The following GUCY1A1 variants were observed in gnomAD, a reference collection of about 807,000 sequenced individuals.
GUCY1A1 encodes guanylate cyclase soluble subunit alpha-1.
GUCY1A1 carries 48 observed loss-of-function variants against 64.5 expected under a neutral mutation model. The observed-to-expected ratio is 0.74, with a 90% CI of 0.59 to 0.95. The LOEUF is 0.95. Among genes scored for constraint, GUCY1A1 ranks in the 40% least tolerant of loss-of-function variants. The pLI, the probability that GUCY1A1 is intolerant of heterozygous loss-of-function variation, is 0.00. For synonymous variants in GUCY1A1, 308 were observed against 303.4 expected (o/e 1.02, Z -0.16); for missense variants, 804 against 825.3 (o/e 0.97, Z 0.32).
chr4:155,674,391 A>T (rs1335490521), intron 2 of GUCY1A1, among the ~76,000 whole-genome samples: 2 of 151,164 alleles, frequency 1.3e-5, no homozygotes, highest in Admixed American at 1.3e-4. Flanking sequence ...CAAAGAAACA[A>T]AGAAAACATG....
At chr4:155,674,687 G>A (rs539262243) in intron 2 of GUCY1A1, among the ~76,000 whole-genome samples, 1 of 151,418 alleles carries the variant, frequency 6.6e-6, no homozygotes, top group Non-Finnish European at 1.5e-5. Flanking sequence ...GATCTTTAGG[G>A]ACAATAACAA....
At position 155,717,314 on chromosome 4, in the gene GUCY1A1, G is replaced by T. The variant is rs1733380761; in HGVS notation, c.1716+12G>T. 10 of 1,540,576 alleles carry T rather than the reference G, an allele frequency of 6.5e-6. No individual in the cohort carries two copies. In the East Asian group the frequency reaches 2.1e-4, roughly 32 times the overall value. On this transcript the variant is annotated intron_variant, in intron 8 of 9. Coordinates refer to ENST00000506455, the MANE Select transcript of GUCY1A1 (RefSeq NM_001130682.3). The stretch of plus-strand genomic sequence containing the variant: ...GAGAACCTATCAAGGTAAGGCAGAT[G>T]ATATATTGTCCAAAAGATGTCACAA...
intron 2 of GUCY1A1, among the ~76,000 whole-genome samples, chr4:155,673,876 CCTT>C (rs1368903089): frequency 6.6e-6 from 1 of 151,432 alleles, no homozygotes; most frequent in East Asian, 1.9e-4. Context: ...AAATTGCATG[CCTT>C]ATTATGTTTT....
intron 2 of GUCY1A1, among the ~76,000 whole-genome samples, chr4:155,682,062 C>T (rs570517407): frequency 6.6e-6 from 1 of 152,266 alleles, no homozygotes; most frequent in East Asian, 1.9e-4. Context: ...TGAGTTGCCA[C>T]ATCATGCCAA....
chr4:155,713,407 C>T lies in GUCY1A1; in HGVS notation c.1396C>T (p.Leu466=), dbSNP rs1310805913. 1.2e-6 allele frequency: 2 copies of T among 1,614,130 alleles called. No individual in the cohort carries two copies. Among genetic ancestry groups the T allele is most frequent in the Non-Finnish European group, 1.7e-6 (2 of 1,179,982 alleles). The change falls in exon 7 of 10, where the codon CTG becomes TTG. Residue 466 remains leucine, a synonymous_variant. Transcript: ENST00000506455. ...SIFPCEVAQQ[L]WQGQVVQAKK... ...ATTTCCCTGTGAGGTTGCTCAGCAG[C>T]TGTGGCAAGGGCAAGTTGTGCAAGC... is the stretch of plus-strand genomic sequence containing the variant.
chr4:155,722,438 A>C (rs1734090454), intron 9 of GUCY1A1: 1 of 1,313,100 alleles, frequency 7.6e-7, no homozygotes, highest in Admixed American at 3.6e-5. Context: ...ATAGTCTTCC[A>C]TCATTCTTCT....
Position 155,735,310 on chromosome 4 carries a change from A to C in GUCY1A1, c.*5079A>C, listed in dbSNP as rs1735950913. ...TCAATGTGTAGATTTCAATCAGAAAAACCTAAGCAAAAGGAAAAAAAAGTG... is the reference window on the plus strand; with the variant it reads ...TCAATGTGTAGATTTCAATCAGAAACACCTAAGCAAAAGGAAAAAAAAGTG... On this transcript the variant is annotated 3_prime_UTR_variant, in exon 10 of 10. Transcript: ENST00000506455. The C allele has an allele frequency of 6.6e-6, 1 of 151,208 alleles. No homozygotes were observed. The allele number at this position is 151,208 out of a possible 1,614,324, so 9.4% of individuals were successfully genotyped here.
chr4:155,704,793 T>A (rs1170441123), intron 4 of GUCY1A1, among the ~76,000 whole-genome samples: 1 of 152,216 alleles, frequency 6.6e-6, no homozygotes, highest in Non-Finnish European at 1.5e-5. Context: ...CATAGCTCAC[T>A]GCTGCCCAGA....
intron 3 of GUCY1A1, among the ~76,000 whole-genome samples, chr4:155,698,210 G>A (rs368215692): frequency 6.6e-6 from 1 of 151,846 alleles, no homozygotes; most frequent in African/African-American, 2.4e-5. Flanking sequence ...TGGAATGACT[G>A]AGAAAGAAGA....
Position 155,711,146 on chromosome 4 carries a change from G to T in GUCY1A1, c.981G>T (p.Leu327=). ...ATTTTGAAGAATACTTTGAAATTCTGACTCCAAAAATCAACCAGACGTTTA... is the reference window on the plus strand; with the variant it reads ...ATTTTGAAGAATACTTTGAAATTCTTACTCCAAAAATCAACCAGACGTTTA... ...KPNFEEYFEI[L]TPKINQTFSG... Residue 327 remains leucine (L), a synonymous_variant, in exon 6 of 10, where the codon CTG becomes CTT. Coordinates refer to ENST00000506455, the MANE Select transcript of GUCY1A1 (RefSeq NM_001130682.3). 6.2e-7 allele frequency: 1 copy of T among 1,613,740 alleles called. No homozygotes were observed. The highest frequency in any genetic ancestry group is 1.1e-5 in the South Asian group (1 of 91,054).
chr4:155,689,066 A>G (rs990199230), intron 2 of GUCY1A1, among the ~76,000 whole-genome samples: 19 of 150,450 alleles, frequency 1.3e-4, no homozygotes, highest in African/African-American at 4.4e-4. Context: ...GGGATCTAGC[A>G]TGCCTGCATT....
In GUCY1A1 at chr4:155,735,094, C is replaced by T. The variant is rs771862603; in HGVS notation, c.*4863C>T. 1 of 151,880 alleles carries T rather than the reference C, an allele frequency of 6.6e-6. No homozygotes were observed. Among genetic ancestry groups the T allele is most frequent in the Admixed American group, 6.6e-5 (1 of 15,206 alleles). The allele number at this position is 151,880 out of a possible 1,614,324, so 9.4% of individuals were successfully genotyped here. ...CATTCAGTATTCTTATTTTAAGCTG[C>T]AGTAATCACTGTACATTTGATTGCC... On this transcript the variant is annotated 3_prime_UTR_variant, in exon 10 of 10. Transcript: ENST00000506455.
chr4:155,693,960 C>T (rs1730092038), intron 2 of GUCY1A1, among the ~76,000 whole-genome samples: 1 of 152,106 alleles, frequency 6.6e-6, no homozygotes, highest in Non-Finnish European at 1.5e-5. Flanking sequence ...ACTTCTAAGT[C>T]CAATACTAAA....
At chr4:155,675,046 A>G (rs1734706347) in intron 2 of GUCY1A1, among the ~76,000 whole-genome samples, 1 of 151,532 alleles carries the variant, frequency 6.6e-6, no homozygotes, top group South Asian at 2.1e-4. Flanking sequence ...TTTCAGCCCC[A>G]TTATAAACAT....
chr4:155,702,715 A>T (rs1731252325), intron 3 of GUCY1A1, among the ~76,000 whole-genome samples: 2 of 152,004 alleles, frequency 1.3e-5, no homozygotes, highest in South Asian at 2.1e-4. Flanking sequence ...TTTTCTTTCA[A>T]TACATTTTTA....
chr4:155,681,599 TG>T (rs1447686274), intron 2 of GUCY1A1, among the ~76,000 whole-genome samples: 1 of 152,230 alleles, frequency 6.6e-6, no homozygotes, highest in Non-Finnish European at 1.5e-5. Flanking sequence ...TTCAGACTTG[TG>T]ACATACACTT....
chr4:155,724,146 C>A (rs10029150), intron 9 of GUCY1A1, among the ~76,000 whole-genome samples: 1 of 151,936 alleles, frequency 6.6e-6, no homozygotes, highest in South Asian at 2.1e-4. Flanking sequence ...ATTACATTGG[C>A]CCAGCTCCCC....
At chr4:155,729,958 C>T in intron 9 of GUCY1A1, 72 bp from the exon 10 acceptor site, 1 of 888,432 alleles carries the variant, frequency 1.1e-6, no homozygotes, top group Non-Finnish European at 1.8e-6. Flanking sequence ...CAGTAACATT[C>T]AGTTAGTTAT....
At chr4:155,705,479 G>T (rs1415313602) in intron 4 of GUCY1A1, among the ~76,000 whole-genome samples, 1 of 148,222 alleles carries the variant, frequency 6.7e-6, no homozygotes, top group Non-Finnish European at 1.5e-5. Context: ...GACAGAGGTT[G>T]CAGTGAGCCA....
Sources: allele counts gnomAD v4.1 joint callset (sites outside exome capture counted in the v4.1 genomes callset), GRCh38; gene constraint gnomAD v4.1.1; transcripts MANE v1.5; gene names NCBI Gene and HGNC (gene_info 2026-07-23, HGNC 2026-07-21).